ANKRD12: variants seen among roughly 807,000 people sequenced by gnomAD.
ANKRD12 encodes the protein ankyrin repeat domain 12.
Under a neutral mutation model 183.4 loss-of-function variants are expected in ANKRD12, and 85 were observed. The observed-to-expected ratio is 0.46, with a 90% confidence interval of 0.39 to 0.56. The LOEUF (loss-of-function observed/expected upper bound fraction) is 0.56. Ranked by LOEUF, ANKRD12 falls within the 20% of genes least tolerant of loss-of-function variation. ANKRD12 has a pLI of 0.00. For missense variants in ANKRD12, 2,405 were observed against 2,357.1 expected (o/e 1.02, Z -0.42); for synonymous variants, 914 against 800.2 (o/e 1.14, Z -2.40).
At chr18:9,160,483 G>A (rs1471673303) in intron 1 of ANKRD12, among the ~76,000 whole-genome samples, 1 of 152,150 alleles carries the variant, frequency 6.6e-6, no homozygotes, top group African/African-American at 2.4e-5. Flanking sequence ...TATTGCCACT[G>A]CCTGATTCCA....
chr18:9,234,844 CTT>C (rs1299652094), intron 8 of ANKRD12, among the ~76,000 whole-genome samples: 1 of 152,152 alleles, frequency 6.6e-6, no homozygotes, highest in African/African-American at 2.4e-5. Flanking sequence ...GAGGAGCTCT[CTT>C]GTAGTTCAGA....
chr18:9,143,282 A>G (rs759041203), intron 1 of ANKRD12, among the ~76,000 whole-genome samples: 25 of 152,230 alleles, frequency 1.6e-4, no homozygotes, highest in Non-Finnish European at 2.5e-4. Flanking sequence ...GTTGAAATTT[A>G]TAAGTTATAA....
Position 9,256,458 on chromosome 18 carries a change from G to A in ANKRD12, c.3191G>A (p.Arg1064Gln), listed in dbSNP as rs527947674. The A allele has an allele frequency of 1.8e-5, 29 of 1,613,428 alleles. No homozygotes were observed. In the East Asian group the frequency reaches 4.9e-4, roughly 27 times the overall value. ...PKSSPASKDT[R>Q]PKEKRLVNDD... ...TCATCACCAGCATCAAAAGATACCC[G>A]ACCTAAAGAAAAGAGGTTAGTGAAT... The change falls in exon 9 of 13, where the codon CGA becomes CAA. Residue 1064 changes from arginine to glutamine, a missense_variant. Physicochemically the swap from Arg to Gln is conservative, Grantham distance 43. Transcript: ENST00000262126.
Position 9,210,430 on chromosome 18 carries a change from A to G in ANKRD12, c.452-1154A>G, listed in dbSNP as rs543718912. On this transcript the variant is annotated intron_variant, in intron 5 of 12. Transcript: ENST00000262126. ...ACCGAGACAATGTACTTTAAAATCC[A>G]AAAGGTAGGGCCGGGCATGGTAGCT... 2.0e-5 allele frequency among the ~76,000 whole-genome samples: 3 copies of G among 152,152 alleles called. No individual in the cohort carries two copies. In the East Asian group the frequency reaches 5.8e-4, roughly 29 times the overall value.
chr18:9,201,538 T>C (rs1237478978), intron 3 of ANKRD12, among the ~76,000 whole-genome samples: 2 of 152,246 alleles, frequency 1.3e-5, no homozygotes, highest in East Asian at 1.9e-4. Context: ...TACAGTGTTA[T>C]AAGGGTTAAA....
Position 9,192,672 on chromosome 18 carries a change from C to T in ANKRD12, c.88-2879C>T, listed in dbSNP as rs553573495. ...CTTGTGGAGTAGGTGCCTTTTTAAA[C>T]ATACATTTCACTATGGATTTATCTT... On this transcript the variant is annotated intron_variant, in intron 2 of 12. Transcript: ENST00000262126. Among the ~76,000 whole-genome samples the T allele has an allele frequency of 1.4e-4, 21 of 151,598 alleles. No individual in the cohort carries two copies. In the South Asian group the frequency reaches 2.7e-3, roughly 20 times the overall value.
At chr18:9,163,999 T>C (rs2031753992) in intron 1 of ANKRD12, among the ~76,000 whole-genome samples, 1 of 152,218 alleles carries the variant, frequency 6.6e-6, no homozygotes. Flanking sequence ...CTTTCTCTCT[T>C]CCTATTGGAA....
intron 1 of ANKRD12, among the ~76,000 whole-genome samples, chr18:9,163,565 T>G (rs1487660343): frequency 6.6e-6 from 1 of 152,210 alleles, no homozygotes; most frequent in African/African-American, 2.4e-5. Flanking sequence ...TCTAATTCTG[T>G]GAAGAACGTC....
chr18:9,257,314 G>A lies in ANKRD12; in HGVS notation c.4047G>A (p.Glu1349=). ...ATACTAGTCCTTCTCCCAAACCTGA[G>A]GTATTCTCAAATGTGCCTGAAAGAG... ...PGDTSPSPKP[E]VFSNVPERDL... Residue 1349 remains glutamate (E), a synonymous_variant, in exon 9 of 13, where the codon GAG becomes GAA. Transcript: ENST00000262126. 1 of 1,614,102 alleles carries A rather than the reference G, an allele frequency of 6.2e-7. No individual in the cohort carries two copies. Among genetic ancestry groups the A allele is most frequent in the Non-Finnish European group, 8.5e-7 (1 of 1,179,998 alleles).
intron 9 of ANKRD12, chr18:9,259,883 G>C (rs1340451651): frequency 6.6e-6 from 1 of 152,036 alleles, no homozygotes; most frequent in Non-Finnish European, 1.5e-5. Flanking sequence ...CTCAAGGCAG[G>C]TTGAAATAGT....
chr18:9,231,363 A>T (rs1055587633), intron 8 of ANKRD12, among the ~76,000 whole-genome samples: 1 of 151,868 alleles, frequency 6.6e-6, no homozygotes, highest in African/African-American at 2.4e-5. Flanking sequence ...CCCCGTTACT[A>T]TTGTATTGGA....
In ANKRD12 at chr18:9,231,550, G is replaced by A. The variant is rs375369508; in HGVS notation, c.943+9551G>A. ...GACTTAAAGATATTTTATCCGTGCC[G>A]GGCGCGGTGGCTCGAGCCTGTAATC... On this transcript the variant is annotated intron_variant, in intron 8 of 12. Coordinates refer to ENST00000262126, the MANE Select transcript of ANKRD12 (RefSeq NM_015208.5). Among the ~76,000 whole-genome samples, 8 of 151,272 alleles carry A rather than the reference G, an allele frequency of 5.3e-5. No individual in the cohort carries two copies. The East Asian group carries it at 5.8e-4, about 11-fold the overall frequency.
Position 9,254,947 on chromosome 18 carries a change from A to G in ANKRD12, c.1680A>G (p.Gln560=). 1 of 1,602,144 alleles carries G rather than the reference A, an allele frequency of 6.2e-7. No homozygotes were observed. The part of the protein sequence containing the change: ...LSEKQSTPLK[Q]EHTKTCLSPG... ...AAAAACAGTCAACACCACTAAAACA[A>G]GAACATACTAAAACATGTTTATCAC... is the stretch of plus-strand genomic sequence containing the variant. Residue 560 remains glutamine, a synonymous_variant, in exon 9 of 13, where the codon CAA becomes CAG. Coordinates refer to ENST00000262126, the MANE Select transcript of ANKRD12 (RefSeq NM_015208.5).
chr18:9,216,608 T>C, intron 6 of ANKRD12, 150 bp from the exon 7 acceptor site: 9 of 711,518 alleles, frequency 1.3e-5, no homozygotes, highest in Non-Finnish European at 2.0e-5. Flanking sequence ...ATATTGTTCT[T>C]ATTTATTTTT....
chr18:9,215,682 A>G (rs1248078554), intron 6 of ANKRD12, among the ~76,000 whole-genome samples: 1 of 152,160 alleles, frequency 6.6e-6, no homozygotes, highest in Non-Finnish European at 1.5e-5. Flanking sequence ...AGATGCTGTC[A>G]TTGTTAAAGA....
At position 9,255,380 on chromosome 18, in the gene ANKRD12, G is replaced by A; in HGVS notation, c.2113G>A (p.Glu705Lys). 1 of 1,603,490 alleles carries A rather than the reference G, an allele frequency of 6.2e-7. No homozygotes were observed. The highest frequency in any genetic ancestry group is 8.5e-7 in the Non-Finnish European group (1 of 1,176,812). Residue 705 changes from glutamate to lysine, a missense_variant, in exon 9 of 13, where the codon GAA (glutamate) becomes AAA (lysine). Coordinates refer to ENST00000262126, the MANE Select transcript of ANKRD12 (RefSeq NM_015208.5). ...FWKENFFKSD[E>K]TEDLFLNMEH... The stretch of plus-strand genomic sequence containing the variant: ...GAAAGAGAATTTTTTTAAAAGTGAT[G>A]AAACTGAAGATCTCTTTTTAAATAT...
At chr18:9,246,272 C>T (rs927873447) in intron 8 of ANKRD12, among the ~76,000 whole-genome samples, 1 of 152,134 alleles carries the variant, frequency 6.6e-6, no homozygotes, top group African/African-American at 2.4e-5. Context: ...CCTTTCCCTT[C>T]TAAGGAGTGC....
intron 11 of ANKRD12, among the ~76,000 whole-genome samples, chr18:9,277,485 A>G (rs1021045805): frequency 3.3e-5 from 5 of 150,426 alleles, no homozygotes; most frequent in South Asian, 2.1e-4. Flanking sequence ...CCGCCACCAC[A>G]CCCGGCTAAT....
intron 8 of ANKRD12, among the ~76,000 whole-genome samples, chr18:9,242,857 C>G (rs1320694743): frequency 6.6e-6 from 1 of 152,068 alleles, no homozygotes; most frequent in Admixed American, 6.6e-5. Context: ...TAATCTCTTA[C>G]CAATATGTAA....
Sources: gnomAD v4.1 joint callset for allele counts (sites outside exome capture counted in the v4.1 genomes callset) on GRCh38, gnomAD v4.1.1 for gene constraint, MANE v1.5 for transcripts, NCBI Gene and HGNC (gene_info 2026-07-23, HGNC 2026-07-21) for gene names.